The following ZCCHC2 variants were observed in gnomAD, a reference collection of about 807,000 sequenced individuals.
ZCCHC2 encodes zinc finger CCHC domain-containing protein 2.
Under a neutral mutation model 103.6 loss-of-function variants are expected in ZCCHC2, and 39 were observed. The observed-to-expected ratio is 0.38, with a 90% CI of 0.29 to 0.49. The LOEUF is 0.49. ZCCHC2 is among the 20% of genes least tolerant of loss of function. The pLI, the probability that ZCCHC2 is intolerant of heterozygous loss-of-function variation, is 0.96. For synonymous variants in ZCCHC2, 687 were observed against 608.9 expected (o/e 1.13, Z -1.89); for missense variants, 1,483 against 1,491.0 (o/e 0.99, Z 0.09).
intron 4 of ZCCHC2, among the ~76,000 whole-genome samples, chr18:62,549,175 C>T (rs551318026): frequency 5.3e-5 from 8 of 151,506 alleles, no homozygotes; most frequent in East Asian, 3.9e-4. Flanking sequence ...GCCGAGATCG[C>T]GCCACTGCGC....
chr18:62,545,022 T>C (rs1442245280), intron 4 of ZCCHC2, 149 bp downstream of exon 4: 4 of 606,410 alleles, frequency 6.6e-6, no homozygotes, highest in Admixed American at 3.8e-5. Flanking sequence ...GAAAACGTCA[T>C]GTTATTCTAA....
At chr18:62,539,565 T>TG (rs1238561224) in intron 1 of ZCCHC2, 116 bp from the exon 2 acceptor site, 1 of 743,424 alleles carries the variant, frequency 1.3e-6, no homozygotes, top group Non-Finnish European at 2.2e-6. Flanking sequence ...AGTCACCTAT[T>TG]GGACCTCTAA....
downstream of ZCCHC2, among the ~76,000 whole-genome samples, chr18:62,579,063 C>T (rs1225724201): frequency 6.6e-6 from 1 of 152,152 alleles, no homozygotes; most frequent in Non-Finnish European, 1.5e-5. Flanking sequence ...CCTCCATGCC[C>T]GGCCTCCCAA....
chr18:62,581,966 G>A (rs1345530337), downstream of ZCCHC2: 1 of 157,978 alleles, frequency 6.3e-6, no homozygotes, highest in African/African-American at 2.4e-5. Flanking sequence ...GTCACCTTGG[G>A]GAAGGGGACG....
chr18:62,559,772 TTAAAA>T (rs1348615846), intron 7 of ZCCHC2, among the ~76,000 whole-genome samples: 10 of 152,244 alleles, frequency 6.6e-5, no homozygotes, highest in Admixed American at 3.9e-4. Context: ...TAGGTAGCAA[TTAAAA>T]TAAAGGATAT....
At position 62,574,799 on chromosome 18, in the gene ZCCHC2, C is replaced by T. The variant is rs1322105379; in HGVS notation, c.2718C>T (p.Gly906=). The T allele has an allele frequency of 2.5e-6, 4 of 1,613,990 alleles. No individual in the cohort carries two copies. In the East Asian group the frequency reaches 6.7e-5, roughly 27 times the overall value. The change falls in exon 13 of 14, where the codon GGC becomes GGT. Residue 906 remains glycine, a synonymous_variant. Coordinates refer to ENST00000269499, the MANE Select transcript of ZCCHC2 (RefSeq NM_017742.6). ...TGAAGGTAGTTCTTCCAGCAGCTGGCCTCTCAGCTGCTCAGCCACCAGCTT... is the reference window on the plus strand; with the variant it reads ...TGAAGGTAGTTCTTCCAGCAGCTGGTCTCTCAGCTGCTCAGCCACCAGCTT... ...TNVKVVLPAA[G]LSAAQPPASY...
chr18:62,532,805 G>A (rs569184424), intron 1 of ZCCHC2, among the ~76,000 whole-genome samples: 1 of 152,342 alleles, frequency 6.6e-6, no homozygotes, highest in East Asian at 1.9e-4. Flanking sequence ...GGAAGCTGAG[G>A]CGGGTGGATT....
intron 1 of ZCCHC2, chr18:62,526,075 TTTTC>T (rs1289095034): frequency 6.6e-6 from 1 of 152,248 alleles, no homozygotes; most frequent in East Asian, 1.9e-4. Context: ...GAAAGTCTTT[TTTTC>T]TTTCCCTTTT....
chr18:62,542,830 A>G (rs540675185), intron 3 of ZCCHC2, among the ~76,000 whole-genome samples: 4 of 152,294 alleles, frequency 2.6e-5, no homozygotes, highest in South Asian at 4.1e-4. Flanking sequence ...AAGATGTAAG[A>G]TACATCTTTA....
chr18:62,573,899 A>T (rs1465505784), intron 12 of ZCCHC2, among the ~76,000 whole-genome samples, 158 bp from the exon 13 acceptor site: 1 of 152,224 alleles, frequency 6.6e-6, no homozygotes, highest in African/African-American at 2.4e-5. Context: ...GACCCATAGA[A>T]AGCCGAAAGT....
chr18:62,574,957 C>T lies in ZCCHC2; in HGVS notation c.2876C>T (p.Pro959Leu), dbSNP rs76044246. ...AGCCAGGCCCAGGCAACTGTTCCTC[C>T]TGCAGTTCCTACCCACACCCCAGGC... is the stretch of plus-strand genomic sequence containing the variant. ...GISQAQATVPPAVPTHTPGPA... is the reference protein window; with the variant it reads ...GISQAQATVPLAVPTHTPGPA... Residue 959 changes from proline (P) to leucine (L), a missense_variant, in exon 13 of 14, where the codon CCT becomes CTT. This residue lies in a region of ZCCHC2 where 884 missense variants were observed against 907.5 expected (regional missense o/e 0.97). Coordinates refer to ENST00000269499, the MANE Select transcript of ZCCHC2 (RefSeq NM_017742.6). 711 of 1,613,916 alleles carry T rather than the reference C, an allele frequency of 4.4e-4. 5 individuals carry two copies. In the African/African-American group the frequency reaches 8.7e-3, roughly 20 times the overall value.
At position 62,564,570 on chromosome 18, in the gene ZCCHC2, G is replaced by A. The variant is rs1916263573; in HGVS notation, c.1687-1G>A. On this transcript the variant is annotated splice_acceptor_variant, in intron 9 of 13. Coordinates refer to ENST00000269499, the MANE Select transcript of ZCCHC2 (RefSeq NM_017742.6). LOFTEE classifies it high-confidence loss of function. ...ATTTGTCTTTTTATTCTTTCTACTAGCATTCTGCTGAAAAACGGAGTTTAT... is the reference window on the plus strand; with the variant it reads ...ATTTGTCTTTTTATTCTTTCTACTAACATTCTGCTGAAAAACGGAGTTTAT... The A allele has an allele frequency of 4.6e-6, 7 of 1,533,814 alleles. No individual in the cohort carries two copies. Among genetic ancestry groups the A allele is most frequent in the African/African-American group, 2.8e-5 (2 of 72,344 alleles).
At position 62,564,618 on chromosome 18, in the gene ZCCHC2, A is replaced by C. The variant is rs12956093; in HGVS notation, c.1734A>C (p.Gly578=). The C allele has an allele frequency of 6.5e-7, 1 of 1,536,732 alleles. No homozygotes were observed. Among genetic ancestry groups the C allele is most frequent in the African/African-American group, 1.4e-5 (1 of 72,838 alleles). ...TATCTTCAATAAATAAGAAGAAAGG[A>C]AAGCCACAAACAGAAAAGTAGGTTC... is the stretch of plus-strand genomic sequence containing the variant. ...RSLSSINKKK[G]KPQTEKEKIK... is the part of the protein sequence containing the mutation. Residue 578 remains glycine (G), a synonymous_variant, in exon 10 of 14, where the codon GGA becomes GGC. Coordinates refer to ENST00000269499, the MANE Select transcript of ZCCHC2 (RefSeq NM_017742.6).
intron 2 of ZCCHC2, among the ~76,000 whole-genome samples, chr18:62,541,321 G>A (rs1322518952): frequency 6.6e-6 from 1 of 152,154 alleles, no homozygotes; most frequent in Non-Finnish European, 1.5e-5. Flanking sequence ...CAAAATACTG[G>A]TAATGTTATA....
At chr18:62,539,964 G>T (rs1915104248) in intron 2 of ZCCHC2, among the ~76,000 whole-genome samples, 172 bp downstream of exon 2, 1 of 152,094 alleles carries the variant, frequency 6.6e-6, no homozygotes, top group Admixed American at 6.6e-5. Context: ...CTGCACGCTG[G>T]GTGTTTCCTG....
chr18:62,556,986 C>T (rs948247914), intron 6 of ZCCHC2, among the ~76,000 whole-genome samples: 1 of 152,204 alleles, frequency 6.6e-6, no homozygotes, highest in Non-Finnish European at 1.5e-5. Flanking sequence ...TGTCTCCTAG[C>T]ATGCCCAGCT....
In ZCCHC2 at chr18:62,577,542, A is replaced by C. The variant is rs1916897916; in HGVS notation, c.*963A>C. ...GTTACAGTGTTACGTTGTGTTTAAA[A>C]TGTGTATGGTTTATTGCAATCTGAA... On this transcript the variant is annotated 3_prime_UTR_variant, in exon 14 of 14. Transcript: ENST00000269499. 1 of 152,620 alleles carries C rather than the reference A, an allele frequency of 6.6e-6. No homozygotes were observed. The highest frequency in any genetic ancestry group is 2.4e-5 in the African/African-American group (1 of 41,446). 9.5% of individuals were successfully genotyped at this position (152,620 alleles called of 1,614,324 possible). A position where few individuals can be genotyped will look rare whatever the true frequency, so the allele number is the denominator to read the frequency against.
At chr18:62,533,551 A>G (rs894526440) in intron 1 of ZCCHC2, among the ~76,000 whole-genome samples, 3 of 150,816 alleles carry the variant, frequency 2.0e-5, no homozygotes, top group African/African-American at 7.3e-5. Context: ...AAAAATACCA[A>G]TATGATACAC....
At chr18:62,556,156 A>G in intron 5 of ZCCHC2, 47 bp from the exon 6 acceptor site, 1 of 1,469,572 alleles carries the variant, frequency 6.8e-7, no homozygotes, top group Non-Finnish European at 9.3e-7. Context: ...CTTCTTGTGG[A>G]TTAACATTAC....
Sources: allele counts gnomAD v4.1 joint callset (sites outside exome capture counted in the v4.1 genomes callset), GRCh38; gene constraint gnomAD v4.1.1; regional missense constraint gnomAD v4.1.1; transcripts MANE v1.5; gene names NCBI Gene and HGNC (gene_info 2026-07-23, HGNC 2026-07-21).